Variants in TLN2 observed in about 807,000 individuals in gnomAD.
The protein encoded by TLN2 is talin-2.
Under a neutral mutation model 294.7 loss-of-function variants are expected in TLN2, and 118 were observed. The ratio of observed to expected loss-of-function variants is 0.40; its 90% CI spans 0.34 to 0.47. The LOEUF (loss-of-function observed/expected upper bound fraction) is 0.47. TLN2 is among the 20% of genes least tolerant of loss of function. The probability of loss-of-function intolerance (pLI) is 0.84; values close to 1 mark genes in which losing one functional copy is unlikely to be tolerated. For synonymous variants in TLN2, 1,431 were observed against 1,304.5 expected, an observed-to-expected ratio of 1.10 and a Z score of -2.09; for missense variants, 3,083 against 3,282.2, an observed-to-expected ratio of 0.94 and a Z score of 1.48.
At chr15:62,596,598 C>T (rs1316888927) in intron 2 of TLN2, among the ~76,000 whole-genome samples, 3 of 151,980 alleles carry the variant, frequency 2.0e-5, no homozygotes, top group African/African-American at 7.2e-5. Flanking sequence ...ACTAGCCAGG[C>T]ATGATGGTGC....
chr15:62,797,175 C>T (rs771870806), intron 47 of TLN2, 44 bp from the exon 48 acceptor site: 4 of 1,606,282 alleles, frequency 2.5e-6, no homozygotes, highest in Non-Finnish European at 3.4e-6. Flanking sequence ...TCAAGCTTTG[C>T]CCTCTGTCTC....
At chr15:62,730,367 A>C (rs2060655305) in intron 28 of TLN2, among the ~76,000 whole-genome samples, 1 of 151,896 alleles carries the variant, frequency 6.6e-6, no homozygotes, top group African/African-American at 2.4e-5. Context: ...GTATATTTTC[A>C]TCTCCGCAAT....
Position 62,582,246 on chromosome 15 carries a change from A to ACACACACACACACACC in TLN2, c.-237-7439_-237-7438insCACACACACACACCCA, listed in dbSNP as rs764248336. On this transcript the variant is annotated intron_variant, in intron 1 of 58. Transcript: ENST00000636159. Reference sequence around the variant, plus strand: ...CACACACACACACACACACACACACACATTCATGCCTGACCCATTCCTGAC... The same window carrying ACACACACACACACACC: ...CACACACACACACACACACACACACACACACACACACACACCCATTCATGCCTGACCCATTCCTGAC... 5.6e-3 allele frequency among the ~76,000 whole-genome samples: 765 copies of ACACACACACACACACC among 137,288 alleles called. 16 individuals are homozygous for ACACACACACACACACC. Among genetic ancestry groups the ACACACACACACACACC allele is most frequent in the Non-Finnish European group, 8.3e-3 (527 of 63,402 alleles). 90.1% of individuals were successfully genotyped at this position (137,288 alleles called of 152,430 possible).
intron 25 of TLN2, among the ~76,000 whole-genome samples, chr15:62,721,114 T>A (rs1220558022): frequency 2.0e-5 from 3 of 152,200 alleles, no homozygotes; most frequent in Non-Finnish European, 4.4e-5. Context: ...TTTCTTTTGT[T>A]CTTTTAACTT....
At position 62,447,167 on chromosome 15, in the gene TLN2, ATTTG is replaced by A. The variant is rs941780913; in HGVS notation, c.-238+56486_-238+56489del. Among the ~76,000 whole-genome samples, 95 of 21,510 alleles carry A rather than the reference ATTTG, an allele frequency of 4.4e-3. No homozygotes were observed. In the East Asian group the frequency reaches 0.5, roughly 113 times the overall value. The allele number at this position is 21,510 out of a possible 152,430, so 14.1% of individuals were successfully genotyped here. ...TCAAGAAGCCTATATTTATTTATTT[ATTTG>A]TTTATTTATTTATTTAATTAGGAAC... On this transcript the variant is annotated intron_variant, in intron 1 of 58. Coordinates refer to ENST00000636159, the MANE Select transcript of TLN2 (RefSeq NM_015059.3).
chr15:62,415,677 C>T (rs1024226822), intron 1 of TLN2, among the ~76,000 whole-genome samples: 1 of 152,206 alleles, frequency 6.6e-6, no homozygotes, highest in African/African-American at 2.4e-5. Context: ...GCCAGGCGCT[C>T]CTGGCACAGG....
chr15:62,712,123 G>A, intron 22 of TLN2, 46 bp downstream of exon 22: 2 of 1,590,734 alleles, frequency 1.3e-6, no homozygotes, highest in Non-Finnish European at 1.7e-6. Flanking sequence ...ACTATTAAGT[G>A]TTAGGATTTG....
chr15:62,740,121 A>G (rs1233297676), intron 31 of TLN2, among the ~76,000 whole-genome samples: 1 of 148,994 alleles, frequency 6.7e-6, no homozygotes, highest in Non-Finnish European at 1.5e-5. Context: ...TCTAGTATCT[A>G]CAAAGAATTG....
chr15:62,670,762 G>A (rs1187990678), intron 9 of TLN2, among the ~76,000 whole-genome samples: 1 of 152,172 alleles, frequency 6.6e-6, no homozygotes, highest in Non-Finnish European at 1.5e-5. Flanking sequence ...ATGCTGCTGT[G>A]AACGTTTGTG....
intron 1 of TLN2, among the ~76,000 whole-genome samples, chr15:62,543,256 A>T (rs1270917451): frequency 6.6e-6 from 1 of 152,152 alleles, no homozygotes; most frequent in Non-Finnish European, 1.5e-5. Flanking sequence ...CACATCATCA[A>T]ATTGTTCAGA....
chr15:62,577,861 A>G (rs1207929791), intron 1 of TLN2, among the ~76,000 whole-genome samples: 1 of 152,146 alleles, frequency 6.6e-6, no homozygotes, highest in Non-Finnish European at 1.5e-5. Flanking sequence ...ACTACCTAAC[A>G]GGCCCCATTG....
chr15:62,713,897 C>CAGATATATATATAT (rs1555485304), intron 22 of TLN2, among the ~76,000 whole-genome samples: 1 of 119,068 alleles, frequency 8.4e-6, no homozygotes. Context: ...TTCTTTAAGC[C>CAGATATATATATAT]ATATATATAT....
chr15:62,700,646 A>C (rs2058658218), intron 16 of TLN2, among the ~76,000 whole-genome samples: 1 of 152,180 alleles, frequency 6.6e-6, no homozygotes, highest in African/African-American at 2.4e-5. Context: ...TGCACGTTGT[A>C]AGCAAGAGGC....
chr15:62,395,892 G>A (rs968731028), intron 1 of TLN2, among the ~76,000 whole-genome samples: 11 of 152,078 alleles, frequency 7.2e-5, no homozygotes, highest in African/African-American at 2.7e-4. Flanking sequence ...CTGGACTGCA[G>A]TGGCTTGATG....
At chr15:62,626,390 G>C (rs1343103448) in intron 3 of TLN2, among the ~76,000 whole-genome samples, 1 of 152,196 alleles carries the variant, frequency 6.6e-6, no homozygotes, top group Admixed American at 6.5e-5. Context: ...ACATCTGACA[G>C]TATGTGATCT....
rs760329953 is a variant in TLN2 at position 62,796,298 on chromosome 15, G to C, written c.6050+5G>C. 1 of 1,611,294 alleles carries C rather than the reference G, an allele frequency of 6.2e-7. No homozygotes were observed. Among genetic ancestry groups the C allele is most frequent in the African/African-American group, 1.3e-5 (1 of 74,872 alleles). ...TGAGACCTTCGCAGACCACAGGTAC[G>C]TGGGGGTCCTGGACGGGGAGAGGTT... On this transcript the variant is annotated splice_donor_5th_base_variant and intron_variant, in intron 47 of 58. Transcript: ENST00000636159.
chr15:62,718,889 T>C (rs997248904), intron 24 of TLN2, among the ~76,000 whole-genome samples: 2 of 152,006 alleles, frequency 1.3e-5, no homozygotes, highest in Non-Finnish European at 2.9e-5. Flanking sequence ...AGGATTGAGA[T>C]GGAGAGGGGA....
rs151207567 is a variant in TLN2, at chr15:62,465,972, C to T, written c.-238+75287C>T. The stretch of plus-strand genomic sequence containing the variant: ...GTCTCATTCCTGTGGAGTAGGAGGT[C>T]GCGAGGGACTGGCGTGGTGGCTGGT... On this transcript the variant is annotated intron_variant, in intron 1 of 58. Transcript: ENST00000636159. 1.5e-3 allele frequency among the ~76,000 whole-genome samples: 229 copies of T among 152,110 alleles called. 1 individual carries two copies. The highest frequency in any genetic ancestry group is 3.7e-3 in the African/African-American group (152 of 41,498).
At chr15:62,541,555 C>T (rs763367752) in intron 1 of TLN2, among the ~76,000 whole-genome samples, 8 of 152,118 alleles carry the variant, frequency 5.3e-5, no homozygotes, top group Non-Finnish European at 8.8e-5. Flanking sequence ...TATTGCCTAC[C>T]TGGGGTCAGC....
Sources: allele counts gnomAD v4.1 joint callset (sites outside exome capture counted in the v4.1 genomes callset), GRCh38; gene constraint gnomAD v4.1.1; transcripts MANE v1.5; gene names NCBI Gene and HGNC (gene_info 2026-07-23, HGNC 2026-07-21).